Variants in DPYD observed in about 807,000 individuals in gnomAD.
DPYD encodes dihydropyrimidine dehydrogenase [NADP(+)].
A neutral mutation model predicts 116.2 loss-of-function variants in DPYD; 109 were observed. The observed-to-expected ratio is 0.94, with a 90% CI of 0.80 to 1.10. The LOEUF (loss-of-function observed/expected upper bound fraction) is 1.10. DPYD is among the 50% of genes least tolerant of loss of function. DPYD has a pLI of 0.00. For missense variants in DPYD, 1,302 were observed against 1,254.5 expected, an observed-to-expected ratio of 1.04 and a Z score of -0.57; for synonymous variants, 440 against 432.0, an observed-to-expected ratio of 1.02 and a Z score of -0.23.
intron 18 of DPYD, among the ~76,000 whole-genome samples, chr1:97,241,302 T>C (rs917778621): frequency 2.0e-5 from 3 of 151,880 alleles, no homozygotes; most frequent in Non-Finnish European, 4.4e-5. Context: ...CTGGAATGAG[T>C]AGGATCACTC....
At chr1:97,106,623 C>T (rs1018015610) in intron 20 of DPYD, among the ~76,000 whole-genome samples, 4 of 152,082 alleles carry the variant, frequency 2.6e-5, no homozygotes, top group African/African-American at 9.7e-5. Flanking sequence ...TCTGCTGCCC[C>T]CCTCATCTCC....
chr1:97,212,151 C>T (rs2101873090), intron 19 of DPYD, among the ~76,000 whole-genome samples: 1 of 152,202 alleles, frequency 6.6e-6, no homozygotes, highest in East Asian at 1.9e-4. Flanking sequence ...AGTTGTGCAG[C>T]ATCACCACAA....
chr1:97,798,167 C>T (rs1038545756), intron 3 of DPYD: 11 of 151,938 alleles, frequency 7.2e-5, no homozygotes, highest in African/African-American at 2.4e-4. Flanking sequence ...GGCCATCTTC[C>T]CAACAAGAAT....
intron 7 of DPYD, among the ~76,000 whole-genome samples, chr1:97,690,082 C>T (rs984682360): frequency 6.6e-6 from 1 of 152,028 alleles, no homozygotes; most frequent in African/African-American, 2.4e-5. Flanking sequence ...GCAATCTGTT[C>T]TATCAGATTC....
intron 14 of DPYD, among the ~76,000 whole-genome samples, chr1:97,397,158 C>T (rs1406169330): frequency 6.6e-6 from 1 of 151,884 alleles, no homozygotes; most frequent in Non-Finnish European, 1.5e-5. Flanking sequence ...CGTTTCATCC[C>T]TATGAAGATT....
rs1433474285 is a variant in DPYD at position 97,416,484 on chromosome 1, C to T, written c.1905+33575G>A. ...ATGTTTGGACTTCTCTCATTTTTAA[C>T]TTTGAAAATGCTATTCTGTTTTAGT... On this transcript the variant is annotated intron_variant, in intron 14 of 22. Transcript: ENST00000370192. Among the ~76,000 whole-genome samples the T allele has an allele frequency of 3.3e-5, 5 of 152,172 alleles. No individual in the cohort carries two copies. In the East Asian group the frequency reaches 9.6e-4, roughly 29 times the overall value.
chr1:97,095,019 C>A (rs1321862217), intron 21 of DPYD, among the ~76,000 whole-genome samples: 1 of 151,992 alleles, frequency 6.6e-6, no homozygotes, highest in Admixed American at 6.6e-5. Flanking sequence ...ATCAAAGCTA[C>A]AGGACAAGAA....
At chr1:97,406,276 C>A (rs1673650988) in intron 14 of DPYD, among the ~76,000 whole-genome samples, 1 of 61,028 alleles carries the variant, frequency 1.6e-5, no homozygotes, top group African/African-American at 3.6e-5. Flanking sequence ...GTCTCTTTAG[C>A]TTTTTTTTTT....
At chr1:97,294,816 G>A (rs1364632769) in intron 18 of DPYD, among the ~76,000 whole-genome samples, 1 of 152,150 alleles carries the variant, frequency 6.6e-6, no homozygotes, top group Non-Finnish European at 1.5e-5. Flanking sequence ...ACGAATCCAA[G>A]AATGTTTCCC....
At chr1:97,215,198 A>G (rs982163330) in intron 19 of DPYD, among the ~76,000 whole-genome samples, 8 of 152,196 alleles carry the variant, frequency 5.3e-5, no homozygotes, top group Non-Finnish European at 1.0e-4. Flanking sequence ...CACTTTACAG[A>G]TAACAAAATT....
chr1:97,703,068 T>C (rs1366316889), intron 5 of DPYD, among the ~76,000 whole-genome samples: 1 of 152,042 alleles, frequency 6.6e-6, no homozygotes, highest in Admixed American at 6.6e-5. Context: ...CAATACATAC[T>C]CATTACATTG....
intron 5 of DPYD, among the ~76,000 whole-genome samples, chr1:97,702,916 A>C (rs1183986722): frequency 6.6e-6 from 1 of 152,030 alleles, no homozygotes; most frequent in Non-Finnish European, 1.5e-5. Flanking sequence ...AGTACCCAAC[A>C]CAGAGTTAAA....
intron 12 of DPYD, among the ~76,000 whole-genome samples, chr1:97,527,291 A>C (rs368468956): frequency 2.0e-4 from 30 of 151,998 alleles, no homozygotes; most frequent in Middle Eastern, 6.8e-3. Context: ...GTTGGCCAGG[A>C]TGGTCTTGAT....
intron 8 of DPYD, among the ~76,000 whole-genome samples, chr1:97,668,060 A>C (rs1327382833): frequency 6.6e-6 from 1 of 152,140 alleles, no homozygotes; most frequent in Non-Finnish European, 1.5e-5. Context: ...TGCAAGATGA[A>C]AAGAGTTCTG....
intron 12 of DPYD, chr1:97,545,928 G>T: frequency 1.8e-6 from 2 of 1,101,594 alleles, no homozygotes; most frequent in Non-Finnish European, 2.8e-6. Flanking sequence ...TGAGTTTAAA[G>T]AATCAGATTG....
chr1:97,828,364 T>C (rs965501170), intron 2 of DPYD, among the ~76,000 whole-genome samples, 168 bp from the exon 3 acceptor site: 1 of 152,144 alleles, frequency 6.6e-6, no homozygotes, highest in Non-Finnish European at 1.5e-5. Context: ...AATCCAACAG[T>C]AACAAAATAA....
chr1:97,489,044 G>A (rs1207386666), intron 13 of DPYD, among the ~76,000 whole-genome samples: 4 of 152,108 alleles, frequency 2.6e-5, no homozygotes, highest in Admixed American at 6.5e-5. Flanking sequence ...GAACCCTCCC[G>A]GGCTGAGCCC....
chr1:97,184,167 T>C (rs55740401), intron 20 of DPYD, among the ~76,000 whole-genome samples: 1 of 152,154 alleles, frequency 6.6e-6, no homozygotes, highest in Non-Finnish European at 1.5e-5. Flanking sequence ...AATCTGTCAC[T>C]GATGGCCATT....
At chr1:97,728,100 AT>A (rs1231398847) in intron 4 of DPYD, among the ~76,000 whole-genome samples, 2 of 152,084 alleles carry the variant, frequency 1.3e-5, no homozygotes, top group South Asian at 2.1e-4. Flanking sequence ...TACATATCTG[AT>A]TTTTTTGTGC....
Sources: gnomAD v4.1 joint callset for allele counts (sites outside exome capture counted in the v4.1 genomes callset) on GRCh38, gnomAD v4.1.1 for gene constraint, MANE v1.5 for transcripts, NCBI Gene and HGNC (gene_info 2026-07-23, HGNC 2026-07-21) for gene names.